SGCZ: variants seen among roughly 807,000 people sequenced by gnomAD.
SGCZ encodes the protein sarcoglycan zeta, also known as zeta-sarcoglycan.
In SGCZ, 40 loss-of-function variants were observed where a neutral mutation model predicts 41.3. The ratio of observed to expected loss-of-function variants is 0.97; its 90% CI spans 0.75 to 1.26. The LOEUF (loss-of-function observed/expected upper bound fraction) is 1.26, where lower values mean the gene tolerates loss of function less well. SGCZ is among the 50% of genes most tolerant of loss of function. The pLI, the probability that SGCZ is intolerant of heterozygous loss-of-function variation, is 0.00. For synonymous variants in SGCZ, 206 were observed against 137.5 expected, an observed-to-expected ratio of 1.50 and a Z score of -3.49; for missense variants, 552 against 369.8, an observed-to-expected ratio of 1.49 and a Z score of -4.04.
chr8:14,766,211 C>T (rs960629661), intron 1 of SGCZ, among the ~76,000 whole-genome samples: 2 of 152,082 alleles, frequency 1.3e-5, no homozygotes, highest in African/African-American at 2.4e-5. Flanking sequence ...CCGCCCGCCT[C>T]GACTTCCCAA....
chr8:14,742,196 T>C (rs992850362), intron 1 of SGCZ, among the ~76,000 whole-genome samples: 2 of 152,044 alleles, frequency 1.3e-5, no homozygotes, highest in African/African-American at 4.8e-5. Context: ...ATAAACCATC[T>C]GCCGTCAGTC....
intron 2 of SGCZ, among the ~76,000 whole-genome samples, chr8:14,381,952 T>C (rs1804382143): frequency 6.6e-6 from 1 of 152,188 alleles, no homozygotes; most frequent in Non-Finnish European, 1.5e-5. Flanking sequence ...CTTCTCAGCT[T>C]ATGAGGAGAT....
chr8:14,268,793 C>T (rs1799962610), intron 3 of SGCZ, among the ~76,000 whole-genome samples: 1 of 151,788 alleles, frequency 6.6e-6, no homozygotes, highest in Non-Finnish European at 1.5e-5. Flanking sequence ...AATCTAGTTA[C>T]ATATTTAGTC....
At chr8:14,319,577 G>A (rs1801850032) in intron 3 of SGCZ, 1 of 151,944 alleles carries the variant, frequency 6.6e-6, no homozygotes, top group South Asian at 2.1e-4. Flanking sequence ...ATACTAGGAG[G>A]GAAGGAATGA....
intron 1 of SGCZ, among the ~76,000 whole-genome samples, chr8:14,916,790 C>G (rs1271038007): frequency 6.6e-6 from 1 of 152,134 alleles, no homozygotes; most frequent in Non-Finnish European, 1.5e-5. Flanking sequence ...TTAATCTACA[C>G]TTACGAGTAT....
intron 1 of SGCZ, among the ~76,000 whole-genome samples, chr8:15,023,521 T>G (rs1209102935): frequency 6.6e-6 from 1 of 152,152 alleles, no homozygotes; most frequent in Non-Finnish European, 1.5e-5. Flanking sequence ...CTACTCAAAG[T>G]ATGGGTCTCA....
In SGCZ at chr8:14,290,448, G is replaced by A. The variant is rs558978304; in HGVS notation, c.336+33655C>T. On this transcript the variant is annotated intron_variant, in intron 3 of 7. Transcript: ENST00000382080. The stretch of plus-strand genomic sequence containing the variant: ...TTGACAACTGCACATCTTATAAGGG[G>A]CTAATATCCAAAATATATAAGAAAC... Among the ~76,000 whole-genome samples, 4 of 152,028 alleles carry A rather than the reference G, an allele frequency of 2.6e-5. No individual in the cohort carries two copies. The East Asian group carries it at 5.8e-4, about 22-fold the overall frequency.
chr8:14,503,278 A>G lies in SGCZ; in HGVS notation c.234+51454T>C, dbSNP rs571584771. ...ATATGGGGACAGGGAGGGGAACATCACACACCGGAGCCTGTCAGGGGATGG... is the reference window on the plus strand; with the variant it reads ...ATATGGGGACAGGGAGGGGAACATCGCACACCGGAGCCTGTCAGGGGATGG... On this transcript the variant is annotated intron_variant, in intron 2 of 7. Coordinates refer to ENST00000382080, the MANE Select transcript of SGCZ (RefSeq NM_139167.4). 2.6e-5 allele frequency among the ~76,000 whole-genome samples: 4 copies of G among 152,138 alleles called. No individual in the cohort carries two copies. In the South Asian group the frequency reaches 8.3e-4, roughly 32 times the overall value.
At chr8:14,122,291 AAAAC>A (rs1256177694) in intron 5 of SGCZ, among the ~76,000 whole-genome samples, 1 of 151,472 alleles carries the variant, frequency 6.6e-6, no homozygotes, top group East Asian at 1.9e-4. Context: ...AAAACAAAAC[AAAAC>A]AAAAGACTTT....
At chr8:14,598,818 T>C (rs76210955) in intron 1 of SGCZ, among the ~76,000 whole-genome samples, 11,622 of 152,148 alleles carry the variant, frequency 0.076, 538 homozygotes, top group Middle Eastern at 0.19. Flanking sequence ...TATGAGGCAG[T>C]GTACCAGCCA....
At chr8:14,756,846 G>T (rs1799684857) in intron 1 of SGCZ, among the ~76,000 whole-genome samples, 1 of 152,170 alleles carries the variant, frequency 6.6e-6, no homozygotes. Context: ...AATCTCACAA[G>T]TTATGAAAAG....
chr8:14,394,369 T>C (rs993686474), intron 2 of SGCZ, among the ~76,000 whole-genome samples: 1 of 152,100 alleles, frequency 6.6e-6, no homozygotes, highest in African/African-American at 2.4e-5. Flanking sequence ...CAGGATGGTC[T>C]CGATCTCCTG....
intron 1 of SGCZ, among the ~76,000 whole-genome samples, chr8:15,178,644 T>C (rs980004707): frequency 1.3e-5 from 2 of 152,206 alleles, no homozygotes; most frequent in African/African-American, 4.8e-5. Context: ...ACTGTACCCA[T>C]TGATTGCCAG....
At position 14,086,411 on chromosome 8, in the gene SGCZ, G is replaced by T. The variant is rs896878682; in HGVS notation, c.*4032C>A. ...TATTAGGAGTTTTATTGTATCAAAT[G>T]CTATTTTTGTAAAACGAGGCATTCT... is the stretch of plus-strand genomic sequence containing the variant. On this transcript the variant is annotated 3_prime_UTR_variant, in exon 8 of 8. Transcript: ENST00000382080. Among the ~76,000 whole-genome samples, 4 of 151,618 alleles carry T rather than the reference G, an allele frequency of 2.6e-5. No homozygotes were observed. The highest frequency in any genetic ancestry group is 5.9e-5 in the Non-Finnish European group (4 of 67,728).
intron 1 of SGCZ, among the ~76,000 whole-genome samples, chr8:14,964,035 T>G (rs2130855331): frequency 6.6e-6 from 1 of 152,306 alleles, no homozygotes; most frequent in East Asian, 1.9e-4. Context: ...ATGCAAAGGT[T>G]ACAAGGCTAA....
chr8:14,490,800 C>T (rs1801820089), intron 2 of SGCZ, among the ~76,000 whole-genome samples: 1 of 127,366 alleles, frequency 7.9e-6, no homozygotes, highest in Admixed American at 8.8e-5. Flanking sequence ...TAAGCTCTTT[C>T]AAGGTGAGAA....
At chr8:15,045,462 A>G (rs1342662460) in intron 1 of SGCZ, among the ~76,000 whole-genome samples, 1 of 152,106 alleles carries the variant, frequency 6.6e-6, no homozygotes, top group Non-Finnish European at 1.5e-5. Context: ...ATGTTTGTAT[A>G]CATGTTTCAA....
chr8:15,074,252 C>T (rs945646979), intron 1 of SGCZ, among the ~76,000 whole-genome samples: 1 of 152,058 alleles, frequency 6.6e-6, no homozygotes, highest in Non-Finnish European at 1.5e-5. Flanking sequence ...TTCTTTAGGA[C>T]GTTAGTCCAA....
At chr8:14,764,182 A>T (rs1479297324) in intron 1 of SGCZ, among the ~76,000 whole-genome samples, 2 of 152,212 alleles carry the variant, frequency 1.3e-5, no homozygotes, top group Non-Finnish European at 2.9e-5. Flanking sequence ...AGATTTTTGT[A>T]AAAAAGCACT....
Sources: allele counts gnomAD v4.1 joint callset (sites outside exome capture counted in the v4.1 genomes callset), GRCh38; gene constraint gnomAD v4.1.1; transcripts MANE v1.5; gene names NCBI Gene and HGNC (gene_info 2026-07-23, HGNC 2026-07-21).